Variants in LYG2 observed in about 807,000 individuals in gnomAD.
The protein encoded by LYG2 is lysozyme g-like protein 2.
LYG2 carries 25 observed loss-of-function variants against 22.4 expected under a neutral mutation model. The observed-to-expected ratio is 1.12, with a 90% CI of 0.81 to 1.56. The LOEUF (loss-of-function observed/expected upper bound fraction) is 1.56, where lower values mean the gene tolerates loss of function less well. LYG2 is among the 40% of genes most tolerant of loss of function. The pLI, the probability that LYG2 is intolerant of heterozygous loss-of-function variation, is 0.00. For synonymous variants in LYG2, 88 were observed against 97.0 expected (o/e 0.91, Z 0.55); for missense variants, 266 against 269.5 (o/e 0.99, Z 0.09).
chr2:99,244,209 C>T (rs2094011845), intron 5 of LYG2, 72 bp from the exon 6 acceptor site: 2 of 1,495,416 alleles, frequency 1.3e-6, no homozygotes, highest in Non-Finnish European at 1.8e-6. Context: ...CTAATTTCCT[C>T]TCCTGGTATT....
At chr2:99,253,048 C>CAAAA (rs35859472) in intron 3 of LYG2, among the ~76,000 whole-genome samples, 3 of 67,238 alleles carry the variant, frequency 4.5e-5, no homozygotes, top group African/African-American at 1.3e-4. Context: ...GACTCTGTCT[C>CAAAA]AAAAAAAAAA....
chr2:99,261,478 T>G, the LYG2 span, among the ~76,000 whole-genome samples: 1 of 152,212 alleles, frequency 6.6e-6, no homozygotes, highest in Non-Finnish European at 1.5e-5. Flanking sequence ...TCCTGCAGTC[T>G]TGATTTCTAG....
chr2:99,247,956 A>G (rs2094019220), intron 3 of LYG2, among the ~76,000 whole-genome samples: 1 of 152,360 alleles, frequency 6.6e-6, no homozygotes, highest in South Asian at 2.1e-4. Flanking sequence ...GAAGACATTT[A>G]TGCAGCCAAA....
At chr2:99,242,917 A>C (rs2094008990) in intron 6 of LYG2, among the ~76,000 whole-genome samples, 1 of 152,214 alleles carries the variant, frequency 6.6e-6, no homozygotes, top group African/African-American at 2.4e-5. Flanking sequence ...TACCCAAGAC[A>C]CACTTATTTC....
chr2:99,254,080 T>C (rs2094031690), intron 3 of LYG2, 138 bp downstream of exon 3: 3 of 762,772 alleles, frequency 3.9e-6, no homozygotes, highest in Non-Finnish European at 6.9e-6. Context: ...GAAATAATAG[T>C]TGATTAATGG....
the LYG2 span, among the ~76,000 whole-genome samples, chr2:99,261,048 T>C: frequency 5.9e-5 from 9 of 152,128 alleles, no homozygotes; most frequent in African/African-American, 9.6e-5. Flanking sequence ...CTAGTTGAGA[T>C]TGGAGTCCAT....
chr2:99,259,289 A>C (rs13010416), upstream of LYG2, among the ~76,000 whole-genome samples: 57,817 of 151,906 alleles, frequency 0.38, 11,876 homozygotes, highest in East Asian at 0.64. Context: ...GAGAAAAGAA[A>C]AAAAAAGAAT....
At chr2:99,259,871 A>G (rs565729066), upstream of LYG2, among the ~76,000 whole-genome samples, 1 of 152,266 alleles carries the variant, frequency 6.6e-6, no homozygotes, top group Non-Finnish European at 1.5e-5. Flanking sequence ...AACCATCACC[A>G]TAATCAGGAT....
upstream of LYG2, among the ~76,000 whole-genome samples, chr2:99,257,985 G>T (rs2094039406): frequency 6.6e-6 from 1 of 152,182 alleles, no homozygotes; most frequent in South Asian, 2.1e-4. Context: ...CTGCCCTTGT[G>T]CCCTGAGCTA....
Position 99,242,494 on chromosome 2 carries a change from C to T in LYG2, c.521-12G>A. The T allele has an allele frequency of 6.5e-7, 1 of 1,539,524 alleles. No individual in the cohort carries two copies. The highest frequency in any genetic ancestry group is 2.3e-5 in the East Asian group (1 of 44,350). On this transcript the variant is annotated splice_polypyrimidine_tract_variant and intron_variant, in intron 6 of 6. Transcript: ENST00000333017. ...AGCTGAGAGACCACCTGAAATGAAA[C>T]ACAGAGAATTAGGCTCAAATATTAA...
chr2:99,261,281 G>C, the LYG2 span, among the ~76,000 whole-genome samples: 1 of 152,134 alleles, frequency 6.6e-6, no homozygotes, highest in African/African-American at 2.4e-5. Context: ...GGCTATCATG[G>C]GGCCAGTGGG....
chr2:99,242,511 A>C, intron 6 of LYG2, 29 bp from the exon 7 acceptor site: 30 of 1,433,442 alleles, frequency 2.1e-5, no homozygotes, highest in Non-Finnish European at 2.6e-5. Flanking sequence ...AATTAGGCTC[A>C]AATATTAACT....
upstream of LYG2, among the ~76,000 whole-genome samples, chr2:99,260,010 G>T (rs2094044306): frequency 6.7e-6 from 1 of 149,300 alleles, no homozygotes; most frequent in South Asian, 2.1e-4. Flanking sequence ...AGCCTGGGCT[G>T]GAGGGCAGTG....
intron 4 of LYG2, among the ~76,000 whole-genome samples, chr2:99,246,214 A>G (rs1022139358): frequency 3.3e-5 from 5 of 152,180 alleles, no homozygotes; most frequent in African/African-American, 7.2e-5. Context: ...GTTCTGTTCT[A>G]TTGGGAAGTA....
chr2:99,248,403 T>TA (rs2105272326), intron 3 of LYG2, among the ~76,000 whole-genome samples: 1 of 152,116 alleles, frequency 6.6e-6, no homozygotes. Context: ...TATGCAGCCA[T>TA]AAAAAATGAT....
rs1233175754 is a variant in LYG2 at position 99,244,137 on chromosome 2, G to A, written c.382C>T (p.Leu128Phe). 1.2e-6 allele frequency: 2 copies of A among 1,611,572 alleles called. No individual in the cohort carries two copies. The highest frequency in any genetic ancestry group is 1.3e-5 in the African/African-American group (1 of 74,776). Residue 128 changes from leucine (L) to phenylalanine (F), a missense_variant and splice_region_variant, in exon 6 of 7, where the codon CTT becomes TTT. Transcript: ENST00000333017. ...HRGLKFGLMQ[L>F]DKQTYHPVGA... ...ACAGGGTGGTACGTTTGTTTATCAA[G>A]CTAGAAAATTCAGATAATAAAGTCA...
At chr2:99,253,737 C>T (rs993741007) in intron 3 of LYG2, among the ~76,000 whole-genome samples, 1 of 152,116 alleles carries the variant, frequency 6.6e-6, no homozygotes, top group African/African-American at 2.4e-5. Context: ...ATTAAATCAC[C>T]AAGCATCCTT....
At chr2:99,251,656 C>G (rs142607077) in intron 3 of LYG2, among the ~76,000 whole-genome samples, 489 of 152,134 alleles carry the variant, frequency 3.2e-3, no homozygotes, top group African/African-American at 0.011. Flanking sequence ...AACGACAGCT[C>G]CATAGCAATG....
intron 3 of LYG2, among the ~76,000 whole-genome samples, chr2:99,251,309 A>T (rs2094026150): frequency 6.6e-6 from 1 of 152,238 alleles, no homozygotes. Context: ...AATTATCTTA[A>T]GTGACTTTAA....
Sources: allele counts gnomAD v4.1 joint callset (sites outside exome capture counted in the v4.1 genomes callset), GRCh38; gene constraint gnomAD v4.1.1; transcripts MANE v1.5; gene names NCBI Gene and HGNC (gene_info 2026-07-23, HGNC 2026-07-21).